KIAA1549L: variants seen among roughly 807,000 people sequenced by gnomAD.
KIAA1549L encodes the protein KIAA1549 like, also known as UPF0606 protein KIAA1549L.
In KIAA1549L, 88 loss-of-function variants were observed where a neutral mutation model predicts 160.7. The ratio of observed to expected loss-of-function variants is 0.55; its 90% CI spans 0.46 to 0.65. The LOEUF (loss-of-function observed/expected upper bound fraction) is 0.65. Among genes scored for constraint, KIAA1549L ranks in the 30% least tolerant of loss-of-function variants. The probability of loss-of-function intolerance (pLI) is 0.00; values close to 1 mark genes in which losing one functional copy is unlikely to be tolerated. For synonymous variants in KIAA1549L, 950 were observed against 976.7 expected, an observed-to-expected ratio of 0.97 and a Z score of 0.51; for missense variants, 2,258 against 2,437.5, an observed-to-expected ratio of 0.93 and a Z score of 1.55.
At chr11:33,378,723 A>G (rs539426046) in intron 1 of KIAA1549L, among the ~76,000 whole-genome samples, 22 of 152,108 alleles carry the variant, frequency 1.4e-4, no homozygotes, top group Non-Finnish European at 2.8e-4. Context: ...GCGGATTCAC[A>G]GTCCACCTCT....
chr11:33,431,897 G>A (rs979321820), intron 1 of KIAA1549L, among the ~76,000 whole-genome samples: 2 of 152,252 alleles, frequency 1.3e-5, no homozygotes, highest in East Asian at 3.9e-4. Flanking sequence ...CCACGGGAAG[G>A]CAGCTAAGGC....
intron 1 of KIAA1549L, among the ~76,000 whole-genome samples, chr11:33,524,255 G>A (rs565787849): frequency 2.6e-5 from 4 of 151,906 alleles, no homozygotes; most frequent in African/African-American, 4.8e-5. Flanking sequence ...GGTGGAATTC[G>A]CTCATAATTA....
intron 1 of KIAA1549L, among the ~76,000 whole-genome samples, chr11:33,420,151 C>A (rs949105157): frequency 1.5e-4 from 23 of 150,712 alleles, no homozygotes. Flanking sequence ...ATCTTGTGCA[C>A]AGAAGGAGCA....
At chr11:33,648,300 C>G (rs1851784841) in intron 17 of KIAA1549L, among the ~76,000 whole-genome samples, 1 of 151,956 alleles carries the variant, frequency 6.6e-6, no homozygotes, top group Non-Finnish European at 1.5e-5. Context: ...CTGGCCGAAT[C>G]AGAACATTAT....
chr11:33,553,194 C>A (rs964448316), intron 6 of KIAA1549L, among the ~76,000 whole-genome samples: 19 of 152,122 alleles, frequency 1.2e-4, no homozygotes, highest in Non-Finnish European at 2.8e-4. Context: ...GAGATGGAGT[C>A]TCCATATATT....
chr11:33,561,113 A>G (rs1050076662), intron 7 of KIAA1549L, among the ~76,000 whole-genome samples: 1 of 152,252 alleles, frequency 6.6e-6, no homozygotes, highest in African/African-American at 2.4e-5. Flanking sequence ...TGTTACAAGC[A>G]TGTGGCTACT....
chr11:33,654,230 C>T (rs112039516), intron 17 of KIAA1549L, among the ~76,000 whole-genome samples: 3,510 of 152,332 alleles, frequency 0.023, 165 homozygotes, highest in South Asian at 0.13. Flanking sequence ...CCTCAGCCTC[C>T]CAAAGTGCTG....
chr11:33,446,612 C>A (rs1378144607), intron 1 of KIAA1549L, among the ~76,000 whole-genome samples: 1 of 152,092 alleles, frequency 6.6e-6, no homozygotes, highest in Admixed American at 6.5e-5. Context: ...GAGTTTACAT[C>A]CCAAATGTTG....
At chr11:33,660,427 C>G (rs567253651) in intron 19 of KIAA1549L, among the ~76,000 whole-genome samples, 1 of 152,112 alleles carries the variant, frequency 6.6e-6, no homozygotes, top group African/African-American at 2.4e-5. Context: ...TAGCCAGGCA[C>G]AGTGGCAGGC....
chr11:33,665,871 G>A (rs887077010), intron 20 of KIAA1549L, among the ~76,000 whole-genome samples: 2 of 152,184 alleles, frequency 1.3e-5, no homozygotes, highest in African/African-American at 4.8e-5. Context: ...AGGGAGGGGG[G>A]CACCTTCCCA....
At chr11:33,641,802 C>T (rs1310259514) in intron 16 of KIAA1549L, among the ~76,000 whole-genome samples, 3 of 151,224 alleles carry the variant, frequency 2.0e-5, no homozygotes, top group East Asian at 1.9e-4. Flanking sequence ...CAAAAAGAGC[C>T]GATATGTTTA....
intron 1 of KIAA1549L, among the ~76,000 whole-genome samples, chr11:33,479,985 A>T (rs1409412498): frequency 6.6e-6 from 1 of 152,142 alleles, no homozygotes; most frequent in African/African-American, 2.4e-5. Flanking sequence ...TCCTAAATCA[A>T]GTTAAATTTG....
chr11:33,458,480 G>C (rs1469613801), intron 1 of KIAA1549L, among the ~76,000 whole-genome samples: 1 of 152,328 alleles, frequency 6.6e-6, no homozygotes, highest in East Asian at 1.9e-4. Context: ...AATTAGGAAG[G>C]AATCAGATGG....
chr11:33,602,570 T>C (rs1172702906), intron 13 of KIAA1549L, among the ~76,000 whole-genome samples: 1 of 152,068 alleles, frequency 6.6e-6, no homozygotes, highest in African/African-American at 2.4e-5. Context: ...TCCAACCTGA[T>C]TTACTGAAAT....
intron 1 of KIAA1549L, among the ~76,000 whole-genome samples, chr11:33,523,812 C>T (rs1233508063): frequency 3.3e-5 from 5 of 152,172 alleles, no homozygotes; most frequent in Non-Finnish European, 5.9e-5. Flanking sequence ...AATGTACACA[C>T]ATAATTTTTA....
Position 33,552,700 on chromosome 11 carries a change from A to G in KIAA1549L, c.3855+459A>G, listed in dbSNP as rs972860945. 3.1e-3 allele frequency among the ~76,000 whole-genome samples: 245 copies of G among 78,576 alleles called. 2 individuals are homozygous for G. The highest frequency in any genetic ancestry group is 0.013 in the African/African-American group (239 of 18,298). The allele number at this position is 78,576 out of a possible 152,430, so 51.5% of individuals were successfully genotyped here. On this transcript the variant is annotated intron_variant, in intron 6 of 20. Transcript: ENST00000658780. ...CACACACACACACACACACACACAC[A>G]CACATGCGTTTTATATTGAAGTCTT...
rs1338190774 is a variant in KIAA1549L, at chr11:33,598,841, C to T, written c.4773C>T (p.Gly1591=). 1.6e-5 allele frequency: 26 copies of T among 1,613,818 alleles called. No individual in the cohort carries two copies. The Admixed American group carries it at 4.2e-4, about 26-fold the overall frequency. The change falls in exon 13 of 21, where the codon GGC becomes GGT. Residue 1591 remains glycine (G), a synonymous_variant. Transcript: ENST00000658780. The part of the protein sequence containing the change: ...TRKSRSPSEN[G]SVISNESGKP... ...CCAGCAGGTCGCCCAGTGAGAATGG[C>T]TCTGTCATCAGCAACGAATCAGGGA...
At position 33,564,181 on chromosome 11, in the gene KIAA1549L, T is replaced by A. The variant is rs969801323; in HGVS notation, c.4078+2446T>A. On this transcript the variant is annotated intron_variant, in intron 8 of 20. Transcript: ENST00000658780. ...ATCATCCTGCCTTCCCTTTGACCTG[T>A]GACCACCTTCTGAACCCCTGGGTAG... Among the ~76,000 whole-genome samples the A allele has an allele frequency of 1.8e-4, 27 of 152,298 alleles. 1 individual carries two copies. Among genetic ancestry groups the A allele is most frequent in the Middle Eastern group, 3.4e-3 (1 of 294 alleles).
chr11:33,484,349 C>A (rs1471731199), intron 1 of KIAA1549L, among the ~76,000 whole-genome samples: 1 of 152,168 alleles, frequency 6.6e-6, no homozygotes, highest in African/African-American at 2.4e-5. Flanking sequence ...TTTCCTCTTC[C>A]CCCTGATTCC....
Sources: allele counts gnomAD v4.1 joint callset (sites outside exome capture counted in the v4.1 genomes callset), GRCh38; gene constraint gnomAD v4.1.1; transcripts MANE v1.5; gene names NCBI Gene and HGNC (gene_info 2026-07-23, HGNC 2026-07-21).